Variants in ASAP3 observed in about 807,000 individuals in gnomAD.
ASAP3 encodes arf-GAP with SH3 domain, ANK repeat and PH domain-containing protein 3.
Under a neutral mutation model 118.2 loss-of-function variants are expected in ASAP3, and 85 were observed. The ratio of observed to expected loss-of-function variants is 0.72; its 90% CI spans 0.60 to 0.86. ASAP3 has a LOEUF of 0.86. ASAP3 is among the 40% of genes least tolerant of loss of function. The probability of loss-of-function intolerance (pLI) is 0.00; values close to 1 mark genes in which losing one functional copy is unlikely to be tolerated. For missense variants in ASAP3, 1,026 were observed against 1,175.0 expected (o/e 0.87, Z 1.85); for synonymous variants, 432 against 477.4 (o/e 0.90, Z 1.24).
Position 23,438,737 on chromosome 1 carries a change from G to A in ASAP3, c.1102+10C>T. On this transcript the variant is annotated intron_variant, in intron 12 of 24. Coordinates refer to ENST00000336689, the MANE Select transcript of ASAP3 (RefSeq NM_017707.4). This position sits in a 1 kb window ranked among gnomAD's most constrained non-coding sequence, Gnocchi z 4.9. The stretch of plus-strand genomic sequence containing the variant: ...GCTGTGGGTGGGGGAGAGGCACAGG[G>A]ACCACTCACGGGTCACCAGGTCGAA... 1 of 1,613,474 alleles carries A rather than the reference G, an allele frequency of 6.2e-7. No homozygotes were observed.
In ASAP3 at chr1:23,437,552, G is replaced by A. The variant is rs2148611347; in HGVS notation, c.1103-80C>T. 6.4e-6 allele frequency: 10 copies of A among 1,552,616 alleles called. No homozygotes were observed. The highest frequency in any genetic ancestry group is 2.7e-5 in the African/African-American group (2 of 73,532). ...AGCCCAGGGAGCCCCCACCAAAGCC[G>A]CTGGGGCCACATGGAGATGTGTCCC... On this transcript the variant is annotated intron_variant, in intron 12 of 24. Coordinates refer to ENST00000336689, the MANE Select transcript of ASAP3 (RefSeq NM_017707.4). The surrounding 1 kb of genome is among the most constrained non-coding windows in gnomAD (Gnocchi z 6.1).
chr1:23,479,745 C>A (rs1017456174), intron 1 of ASAP3: 1 of 152,206 alleles, frequency 6.6e-6, no homozygotes, highest in Non-Finnish European at 1.5e-5. Flanking sequence ...CCCATTCCCC[C>A]ACTGATAATA....
chr1:23,431,268 A>G (rs909894282), intron 23 of ASAP3, 143 bp from the exon 24 acceptor site: 4 of 760,374 alleles, frequency 5.3e-6, no homozygotes, highest in Non-Finnish European at 8.5e-6. Context: ...GGTCCATCAC[A>G]GGCCCAAGAA....
intron 1 of ASAP3, among the ~76,000 whole-genome samples, chr1:23,464,657 C>CT (rs748197535): frequency 0.021 from 1,316 of 63,362 alleles, 18 homozygotes; most frequent in Middle Eastern, 0.051. Context: ...GAGACACTGT[C>CT]TTAAAAAAAA....
chr1:23,435,332 A>G (rs1335729430), intron 17 of ASAP3, among the ~76,000 whole-genome samples: 2 of 152,202 alleles, frequency 1.3e-5, no homozygotes, highest in African/African-American at 4.8e-5. Flanking sequence ...CCCAGCCAAC[A>G]TCCAATTTTT....
At chr1:23,475,594 GC>G (rs1381532216) in intron 1 of ASAP3, among the ~76,000 whole-genome samples, 1 of 152,182 alleles carries the variant, frequency 6.6e-6, no homozygotes, top group African/African-American at 2.4e-5. Context: ...TGTATCTCCA[GC>G]CCGCTCCTTT....
rs766482714 is a variant in ASAP3 at position 23,452,747 on chromosome 1, A to G, written c.373T>C (p.Ser125Pro). The G allele has an allele frequency of 6.2e-6, 10 of 1,613,900 alleles. No homozygotes were observed. The highest frequency in any genetic ancestry group is 8.5e-6 in the Non-Finnish European group (10 of 1,180,016). The change falls in exon 4 of 25, where the codon TCT (serine) becomes CCT (proline). Residue 125 changes from serine to proline, a missense_variant. Physicochemically the swap from Ser to Pro is moderately conservative, Grantham distance 74. Transcript: ENST00000336689. ...NLIQNLNNIV[S>P]FPLDSLMKGQ... ...TTCATCAGACTGTCCAGGGGGAAAG[A>G]GACAATGTTGTTCAAGTTCTGAATC...
intron 1 of ASAP3, among the ~76,000 whole-genome samples, chr1:23,463,365 GTT>G (rs11334359): frequency 1.3e-4 from 20 of 150,436 alleles, no homozygotes; most frequent in East Asian, 3.9e-4. Context: ...AGAAATGCAG[GTT>G]TTTTTTTTTA....
intron 2 of ASAP3, 41 bp from the exon 3 acceptor site, chr1:23,456,067 T>C (rs1198572297): frequency 8.7e-6 from 14 of 1,613,884 alleles, no homozygotes; most frequent in Non-Finnish European, 1.1e-5. Flanking sequence ...AGCTCCAGGC[T>C]GGGGCTGGGA....
chr1:23,458,170 G>A (rs946297890), intron 1 of ASAP3, among the ~76,000 whole-genome samples: 5 of 152,134 alleles, frequency 3.3e-5, no homozygotes, highest in Admixed American at 2.6e-4. Flanking sequence ...TAAGGAGACG[G>A]CATCATATTT....
chr1:23,433,238 C>T lies in ASAP3; in HGVS notation c.2162G>A (p.Trp721Ter), dbSNP rs921563421. ...GCTGATGTCCAGCCTCCCACTGGCC[C>T]AGTGAGCCTGGGCCGGGAGCTTCAG... ...CLLKLPAQAH[W>*]ASGRLDISNK... The change falls in exon 22 of 25, where the codon TGG becomes TAG. Residue 721 changes from tryptophan to a stop codon, truncating the protein, a stop_gained. Coordinates refer to ENST00000336689, the MANE Select transcript of ASAP3 (RefSeq NM_017707.4). LOFTEE classifies it high-confidence loss of function. 6.2e-7 allele frequency: 1 copy of T among 1,611,814 alleles called. No homozygotes were observed. The highest frequency in any genetic ancestry group is 2.2e-5 in the East Asian group (1 of 44,842).
Position 23,460,526 on chromosome 1 carries a change from AC to A in ASAP3, c.130-4333del, listed in dbSNP as rs1213681801. Among the ~76,000 whole-genome samples, 847 of 109,974 alleles carry A rather than the reference AC, an allele frequency of 7.7e-3. 14 individuals carry two copies. The highest frequency in any genetic ancestry group is 0.017 in the African/African-American group (530 of 31,952). The allele number at this position is 109,974 out of a possible 152,430, so 72.1% of individuals were successfully genotyped here. A position where few individuals can be genotyped will look rare whatever the true frequency, so the allele number is the denominator to read the frequency against. On this transcript the variant is annotated intron_variant, in intron 1 of 24. Transcript: ENST00000336689. ...CATCTCAAAAAAAAAAAAAAAAAAAACCAAACAAAAACACACACACACACAA... is the reference window on the plus strand; with the variant it reads ...CATCTCAAAAAAAAAAAAAAAAAAAACAAACAAAAACACACACACACACAA...
At position 23,437,115 on chromosome 1, in the gene ASAP3, GC is replaced by G. The variant is rs749096707; in HGVS notation, c.1342+14del. The G allele has an allele frequency of 5.0e-6, 8 of 1,601,230 alleles. No homozygotes were observed. The East Asian group carries it at 1.1e-4, about 23-fold the overall frequency. ...CCACTTAAGCCTCCCTCCTGCCCCG[GC>G]CCCGGGGACCGACCTGCAGCCCCGC... On this transcript the variant is annotated intron_variant, in intron 14 of 24. Coordinates refer to ENST00000336689, the MANE Select transcript of ASAP3 (RefSeq NM_017707.4). The surrounding 1 kb of genome is among the most constrained non-coding windows in gnomAD (Gnocchi z 6.1).
chr1:23,452,624 C>CAG (rs1641253629), intron 4 of ASAP3, 73 bp downstream of exon 4: 1 of 1,513,742 alleles, frequency 6.6e-7, no homozygotes, highest in Non-Finnish European at 9.2e-7. Context: ...TCAGTCCAGC[C>CAG]CTGCCCCCCA....
At chr1:23,442,469 G>GC (rs752216321) in intron 6 of ASAP3, 32 bp downstream of exon 6, 20 of 1,604,370 alleles carry the variant, frequency 1.2e-5, no homozygotes, top group South Asian at 7.8e-5. Context: ...CACATCCCAC[G>GC]CCCCCCCTCC....
chr1:23,453,688 C>A (rs1392796380), intron 3 of ASAP3, among the ~76,000 whole-genome samples: 1 of 152,158 alleles, frequency 6.6e-6, no homozygotes, highest in Non-Finnish European at 1.5e-5. Flanking sequence ...GCTTGGGTCT[C>A]TCCTCCTCCA....
intron 5 of ASAP3, among the ~76,000 whole-genome samples, chr1:23,442,967 G>A (rs776236905): frequency 2.6e-5 from 4 of 152,218 alleles, no homozygotes; most frequent in Non-Finnish European, 5.9e-5. Context: ...AGGCAGGAGC[G>A]AGTGCCAAGA....
Position 23,431,852 on chromosome 1 carries a change from G to T in ASAP3, c.2390C>A (p.Ala797Asp). The change falls in exon 23 of 25, where the codon GCC becomes GAC. Residue 797 changes from alanine (A) to aspartate (D), a missense_variant. Physicochemically the swap from Ala to Asp is moderately radical, Grantham distance 126 (BLOSUM62 -2). Transcript: ENST00000336689. ...GGGGCTCATCAGACTGGAGGAGGAG[G>T]CTGGACTGCCCAGGCTCTCAGGGGT... Reference protein sequence around the residue: ...PETPESLGSPASSSSLMSPLE... With the variant: ...PETPESLGSPDSSSSLMSPLE... 6.3e-7 allele frequency: 1 copy of T among 1,596,322 alleles called. No homozygotes were observed. The highest frequency in any genetic ancestry group is 1.1e-5 in the South Asian group (1 of 87,980).
chr1:23,465,410 C>T (rs887007776), intron 1 of ASAP3, among the ~76,000 whole-genome samples: 5 of 152,174 alleles, frequency 3.3e-5, no homozygotes, highest in African/African-American at 1.2e-4. Context: ...ATTGCCATTC[C>T]CATTTTAAAG....
Sources: allele counts gnomAD v4.1 joint callset (sites outside exome capture counted in the v4.1 genomes callset), GRCh38; gene constraint gnomAD v4.1.1; non-coding constraint Gnocchi (gnomAD v3.1); transcripts MANE v1.5; gene names NCBI Gene and HGNC (gene_info 2026-07-23, HGNC 2026-07-21).